TGFBR3: variants seen among roughly 807,000 people sequenced by gnomAD.
TGFBR3 encodes the protein transforming growth factor beta receptor 3.
Under a neutral mutation model 87.9 loss-of-function variants are expected in TGFBR3, and 46 were observed. The observed-to-expected ratio is 0.52, with a 90% CI of 0.41 to 0.67. The LOEUF is 0.67. TGFBR3 is among the 30% of genes least tolerant of loss of function. The pLI, the probability that TGFBR3 is intolerant of heterozygous loss-of-function variation, is 0.00. For missense variants in TGFBR3, 866 were observed against 1,041.9 expected, an observed-to-expected ratio of 0.83 and a Z score of 2.32; for synonymous variants, 381 against 391.6, an observed-to-expected ratio of 0.97 and a Z score of 0.32.
At chr1:91,890,480 C>G (rs538049627), upstream of TGFBR3, among the ~76,000 whole-genome samples, 2 of 120,204 alleles carry the variant, frequency 1.7e-5, no homozygotes, top group Non-Finnish European at 3.2e-5. Context: ...AGTGCAGTGG[C>G]GCCATCTTGG....
At chr1:91,890,479 G>A (rs1325632140), upstream of TGFBR3, among the ~76,000 whole-genome samples, 1 of 136,132 alleles carries the variant, frequency 7.3e-6, no homozygotes, top group East Asian at 2.1e-4. Context: ...GAGTGCAGTG[G>A]CGCCATCTTG....
intron 16 of TGFBR3, among the ~76,000 whole-genome samples, chr1:91,694,149 G>A (rs753573427): frequency 1.3e-5 from 2 of 152,106 alleles, no homozygotes; most frequent in Admixed American, 6.5e-5. Flanking sequence ...ACACCACCAC[G>A]CCATGCTAGT....
intron 2 of TGFBR3, among the ~76,000 whole-genome samples, chr1:91,829,250 C>T (rs1237287120): frequency 6.6e-6 from 1 of 152,042 alleles, no homozygotes; most frequent in Non-Finnish European, 1.5e-5. Context: ...GTGGCACGCA[C>T]CTGTAATCCC....
chr1:91,861,461 T>C lies in TGFBR3; in HGVS notation c.61+10A>G. ...TATAACAAATATGCAATTTATATTATGCAACTTACCTGCAGTGGCTAAACA... is the reference window on the plus strand; with the variant it reads ...TATAACAAATATGCAATTTATATTACGCAACTTACCTGCAGTGGCTAAACA... On this transcript the variant is annotated intron_variant, in intron 2 of 16. Coordinates refer to ENST00000212355, the MANE Select transcript of TGFBR3 (RefSeq NM_003243.5). The C allele has an allele frequency of 6.3e-7, 1 of 1,599,150 alleles. No homozygotes were observed. Among genetic ancestry groups the C allele is most frequent in the Non-Finnish European group, 8.6e-7 (1 of 1,166,484 alleles).
Position 91,732,797 on chromosome 1 carries a change from C to A in TGFBR3, c.568+1979G>T, listed in dbSNP as rs1159215521. On this transcript the variant is annotated intron_variant, in intron 5 of 16. Coordinates refer to ENST00000212355, the MANE Select transcript of TGFBR3 (RefSeq NM_003243.5). Reference sequence around the variant, plus strand: ...ACACAAGGTCCTTTAAGTTGGCTTCCCCTACCCAGTGTGCACAGGCTGAAC... The same window carrying A: ...ACACAAGGTCCTTTAAGTTGGCTTCACCTACCCAGTGTGCACAGGCTGAAC... Among the ~76,000 whole-genome samples the A allele has an allele frequency of 2.0e-5, 3 of 152,192 alleles. No individual in the cohort carries two copies. The East Asian group carries it at 5.8e-4, about 29-fold the overall frequency.
chr1:91,823,704 T>A (rs921907813), intron 2 of TGFBR3, among the ~76,000 whole-genome samples: 3 of 152,196 alleles, frequency 2.0e-5, no homozygotes, highest in Non-Finnish European at 4.4e-5. Flanking sequence ...GGACTGGGGA[T>A]ATGGACTACA....
chr1:91,863,878 G>C (rs1678288164), intron 1 of TGFBR3: 1 of 152,110 alleles, frequency 6.6e-6, no homozygotes, highest in Admixed American at 6.6e-5. Flanking sequence ...CATCAACTCT[G>C]ATCATATGGA....
chr1:91,719,785 C>G, intron 9 of TGFBR3, 108 bp downstream of exon 9: 2 of 1,251,122 alleles, frequency 1.6e-6, no homozygotes, highest in Non-Finnish European at 2.3e-6. Context: ...CAGTATCAAG[C>G]CTCCGGAGTT....
intron 16 of TGFBR3, among the ~76,000 whole-genome samples, chr1:91,685,523 T>A (rs1253239188): frequency 6.6e-6 from 1 of 151,980 alleles, no homozygotes; most frequent in Non-Finnish European, 1.5e-5. Flanking sequence ...ACGATTTCAC[T>A]GTGTTAGCCA....
intron 3 of TGFBR3, among the ~76,000 whole-genome samples, chr1:91,777,112 G>A (rs1164575663): frequency 6.6e-6 from 1 of 152,224 alleles, no homozygotes. Context: ...AACATAGGAA[G>A]TGCCAAAGCA....
chr1:91,761,271 T>G (rs1400048407), intron 3 of TGFBR3, among the ~76,000 whole-genome samples: 1 of 152,196 alleles, frequency 6.6e-6, no homozygotes, highest in Non-Finnish European at 1.5e-5. Flanking sequence ...ATATTGGTGC[T>G]CAGGTCCAAA....
chr1:91,884,189 G>A (rs1343970269), intron 1 of TGFBR3, among the ~76,000 whole-genome samples: 3 of 106,672 alleles, frequency 2.8e-5, no homozygotes, highest in Non-Finnish European at 4.7e-5. Flanking sequence ...GCGTGGTAGC[G>A]CGCGCCTGTA....
chr1:91,865,867 G>A (rs973689766), intron 1 of TGFBR3, among the ~76,000 whole-genome samples: 1 of 149,414 alleles, frequency 6.7e-6, no homozygotes, highest in Admixed American at 6.7e-5. Flanking sequence ...AGCTGAGATC[G>A]CGCCACTGCA....
intron 2 of TGFBR3, among the ~76,000 whole-genome samples, chr1:91,821,760 C>T (rs1676460804): frequency 6.6e-6 from 1 of 152,162 alleles, no homozygotes; most frequent in African/African-American, 2.4e-5. Context: ...CTGTCTATAC[C>T]ATCTGAAACT....
intron 1 of TGFBR3, among the ~76,000 whole-genome samples, chr1:91,876,176 A>G (rs951854652): frequency 6.6e-6 from 1 of 152,120 alleles, no homozygotes; most frequent in South Asian, 2.1e-4. Context: ...GAAAAGCACC[A>G]AGAGCTAAAA....
At chr1:91,819,638 GA>G (rs1005370720) in intron 2 of TGFBR3, among the ~76,000 whole-genome samples, 28 of 152,170 alleles carry the variant, frequency 1.8e-4, no homozygotes, top group African/African-American at 6.3e-4. Context: ...ACAATAGCAG[GA>G]CGTTGCTGTC....
At chr1:91,799,031 C>T (rs932375878) in intron 2 of TGFBR3, among the ~76,000 whole-genome samples, 1 of 152,200 alleles carries the variant, frequency 6.6e-6, no homozygotes, top group African/African-American at 2.4e-5. Flanking sequence ...TGGGCTGAAA[C>T]AGTGCCCACT....
intron 16 of TGFBR3, among the ~76,000 whole-genome samples, chr1:91,693,188 G>A (rs963270066): frequency 3.3e-5 from 5 of 152,140 alleles, no homozygotes; most frequent in Admixed American, 6.5e-5. Context: ...TTCCTCAAGA[G>A]CAATCTATAA....
intron 14 of TGFBR3, among the ~76,000 whole-genome samples, chr1:91,706,621 A>G (rs550381212): frequency 7.9e-5 from 12 of 152,282 alleles, no homozygotes; most frequent in Admixed American, 2.6e-4. Context: ...AACCATAAAA[A>G]TAGCAACCAG....
Sources: allele counts gnomAD v4.1 joint callset (sites outside exome capture counted in the v4.1 genomes callset), GRCh38; gene constraint gnomAD v4.1.1; transcripts MANE v1.5; gene names NCBI Gene and HGNC (gene_info 2026-07-23, HGNC 2026-07-21).